Variants in NOX4 observed in about 807,000 individuals in gnomAD.
The protein encoded by NOX4 is NADPH oxidase 4.
A neutral mutation model predicts 87.6 loss-of-function variants in NOX4; 69 were observed. That is an observed-to-expected ratio of 0.79 (90% CI 0.65 to 0.96). NOX4 has a LOEUF of 0.96. NOX4 is among the 40% of genes least tolerant of loss of function. The probability of loss-of-function intolerance (pLI) is 0.00; values close to 1 mark genes in which losing one functional copy is unlikely to be tolerated. For missense variants in NOX4, 680 were observed against 681.5 expected (o/e 1.00, Z 0.02); for synonymous variants, 275 against 238.2 (o/e 1.15, Z -1.42).
At chr11:89,423,727 T>C (rs1943214385) in intron 7 of NOX4, among the ~76,000 whole-genome samples, 1 of 151,934 alleles carries the variant, frequency 6.6e-6, no homozygotes, top group African/African-American at 2.4e-5. Flanking sequence ...TCTGAGAACG[T>C]TGTTGAAATT....
chr11:89,433,491 C>T (rs1943920013), intron 6 of NOX4, among the ~76,000 whole-genome samples: 1 of 151,988 alleles, frequency 6.6e-6, no homozygotes, highest in Non-Finnish European at 1.5e-5. Context: ...TACTAAATCT[C>T]CCTCATGCTC....
the NOX4 span, among the ~76,000 whole-genome samples, chr11:89,588,991 G>C: frequency 5.5e-4 from 84 of 152,220 alleles, no homozygotes; most frequent in African/African-American, 2.0e-3. Context: ...TATCTCCTCA[G>C]CCAATATATG....
At chr11:89,409,639 GA>G (rs1942370540) in intron 8 of NOX4, among the ~76,000 whole-genome samples, 1 of 151,968 alleles carries the variant, frequency 6.6e-6, no homozygotes, top group South Asian at 2.1e-4. Flanking sequence ...AATTACTATA[GA>G]GAAATACTAC....
chr11:89,586,539 G>C, the NOX4 span, among the ~76,000 whole-genome samples: 4 of 152,114 alleles, frequency 2.6e-5, no homozygotes. Flanking sequence ...AGTATTCTTA[G>C]TGCTTATTTG....
intron 17 of NOX4, among the ~76,000 whole-genome samples, chr11:89,334,937 A>G (rs1457096390): frequency 1.3e-5 from 2 of 151,744 alleles, no homozygotes; most frequent in Non-Finnish European, 3.0e-5. Flanking sequence ...AAGAAAAAGA[A>G]TGATGTAAAA....
intron 15 of NOX4, among the ~76,000 whole-genome samples, 181 bp from the exon 16 acceptor site, chr11:89,337,696 G>A (rs537345776): frequency 7.1e-4 from 108 of 152,106 alleles, no homozygotes; most frequent in African/African-American, 2.0e-3. Flanking sequence ...AGATTCTAAC[G>A]TTAATAATCT....
At chr11:89,515,431 G>A in the NOX4 span, among the ~76,000 whole-genome samples, 1 of 150,732 alleles carries the variant, frequency 6.6e-6, no homozygotes, top group African/African-American at 2.4e-5. Context: ...TCTTCTTATT[G>A]CAGTGTGTCT....
intron 6 of NOX4, among the ~76,000 whole-genome samples, chr11:89,438,026 A>T (rs894031883): frequency 2.0e-5 from 3 of 151,510 alleles, no homozygotes; most frequent in African/African-American, 7.3e-5. Context: ...GGTTAGTAAA[A>T]CACTTTGCCA....
chr11:89,365,865 G>A (rs1238916537), intron 12 of NOX4, among the ~76,000 whole-genome samples: 1 of 150,730 alleles, frequency 6.6e-6, no homozygotes, highest in East Asian at 2.0e-4. Context: ...GGCCTTTAAA[G>A]CCAATAGAAA....
chr11:89,352,070 T>G (rs2134963200), intron 13 of NOX4, among the ~76,000 whole-genome samples: 1 of 152,300 alleles, frequency 6.6e-6, no homozygotes, highest in East Asian at 1.9e-4. Context: ...TACACATGGA[T>G]GTAGAGTATG....
At chr11:89,488,239 C>T (rs540152984) in intron 2 of NOX4, among the ~76,000 whole-genome samples, 1 of 152,000 alleles carries the variant, frequency 6.6e-6, no homozygotes, top group Non-Finnish European at 1.5e-5. Context: ...ATCCTTTATG[C>T]TCCTAGTCTT....
chr11:89,343,855 G>A (rs1418714279), intron 13 of NOX4, among the ~76,000 whole-genome samples: 4 of 152,010 alleles, frequency 2.6e-5, no homozygotes, highest in Admixed American at 2.6e-4. Flanking sequence ...GAAGGATTGT[G>A]TATCTAAGAT....
chr11:89,402,271 T>C (rs1941903551), intron 9 of NOX4, 55 bp downstream of exon 9: 1 of 1,266,610 alleles, frequency 7.9e-7, no homozygotes, highest in East Asian at 2.3e-5. Flanking sequence ...TATGTGATGT[T>C]GATCAGTCAA....
At chr11:89,383,715 TC>T (rs1049599313) in intron 11 of NOX4, among the ~76,000 whole-genome samples, 1 of 152,120 alleles carries the variant, frequency 6.6e-6, no homozygotes, top group Non-Finnish European at 1.5e-5. Flanking sequence ...TTTTAAGTTA[TC>T]CCCACCTGCC....
the NOX4 span, among the ~76,000 whole-genome samples, chr11:89,555,993 CA>C: frequency 2.0e-5 from 3 of 151,984 alleles, no homozygotes; most frequent in African/African-American, 7.2e-5. Flanking sequence ...TAGGACTTAA[CA>C]AACAGTTTGT....
chr11:89,341,924 T>A (rs187629624), intron 14 of NOX4, 150 bp downstream of exon 14: 8 of 663,918 alleles, frequency 1.2e-5, no homozygotes, highest in Admixed American at 9.3e-5. Flanking sequence ...TGAGAATCAC[T>A]GAATTATTCC....
At chr11:89,556,534 G>A in the NOX4 span, among the ~76,000 whole-genome samples, 1 of 151,560 alleles carries the variant, frequency 6.6e-6, no homozygotes, top group African/African-American at 2.4e-5. Flanking sequence ...GGGAAGGGAG[G>A]GGAAGGGAGG....
intron 6 of NOX4, among the ~76,000 whole-genome samples, chr11:89,434,256 T>A (rs1565286869): frequency 6.6e-6 from 1 of 151,994 alleles, no homozygotes; most frequent in South Asian, 2.1e-4. Context: ...TAGAAACAAA[T>A]TTCACTTATA....
rs563667705 is a variant in NOX4, at chr11:89,358,038, C to G, written c.1136-2995G>C. ...TTGGAACATCCTTTAATCAGATTAT[C>G]AGAAATACAAAGAATACCAAGCAAA... On this transcript the variant is annotated intron_variant, in intron 12 of 17. Transcript: ENST00000263317. Among the ~76,000 whole-genome samples, 21 of 152,048 alleles carry G rather than the reference C, an allele frequency of 1.4e-4. No homozygotes were observed. The South Asian group carries it at 3.1e-3, about 23-fold the overall frequency.
Sources: allele counts gnomAD v4.1 joint callset (sites outside exome capture counted in the v4.1 genomes callset), GRCh38; gene constraint gnomAD v4.1.1; transcripts MANE v1.5; gene names NCBI Gene and HGNC (gene_info 2026-07-23, HGNC 2026-07-21).